ZFYVE27: variants seen among roughly 807,000 people sequenced by gnomAD.
The protein encoded by ZFYVE27 is protrudin.
In ZFYVE27, 36 loss-of-function variants were observed where a neutral mutation model predicts 52.8. That is an observed-to-expected ratio of 0.68 (90% confidence interval 0.52 to 0.90). ZFYVE27 has a LOEUF of 0.90. Among genes scored for constraint, ZFYVE27 ranks in the 40% least tolerant of loss-of-function variants. ZFYVE27 has a pLI of 0.00. For synonymous variants in ZFYVE27, 223 were observed against 215.6 expected, an observed-to-expected ratio of 1.03 and a Z score of -0.30; for missense variants, 450 against 527.2, an observed-to-expected ratio of 0.85 and a Z score of 1.43.
chr10:97,739,885 G>GTTTTTTTGTTTTTTT lies in ZFYVE27; in HGVS notation c.197+1218_197+1219insGTTTTTTTTTTTTTT, dbSNP rs1554886947. Among the ~76,000 whole-genome samples, 92 of 137,276 alleles carry GTTTTTTTGTTTTTTT rather than the reference G, an allele frequency of 6.7e-4. No individual in the cohort carries two copies. The South Asian group carries it at 9.0e-3, about 13-fold the overall frequency. The allele number at this position is 137,276 out of a possible 152,430, so 90.1% of individuals were successfully genotyped here. A position where few individuals can be genotyped will look rare whatever the true frequency, so the allele number is the denominator to read the frequency against. ...TGGATTTGATTGAAGTTAGAAAAGT[G>GTTTTTTTGTTTTTTT]TTTTTTTTTTTTTTTGCAAAGGTAA... On this transcript the variant is annotated intron_variant, in intron 2 of 12. Transcript: ENST00000684270.
chr10:97,743,604 G>A (rs73324638), intron 3 of ZFYVE27, among the ~76,000 whole-genome samples: 2,290 of 152,292 alleles, frequency 0.015, 55 homozygotes, highest in African/African-American at 0.053. Context: ...TGATTCAAGG[G>A]TCATCTGGGG....
chr10:97,757,250 G>C lies in ZFYVE27; in HGVS notation c.1043-15G>C. 1 of 1,614,198 alleles carries C rather than the reference G, an allele frequency of 6.2e-7. No homozygotes were observed. ...TGGGATGGGCGGGGGTTGAGCTGCT[G>C]CCTCTGTTTCTCAGGGAACTGCACG... On this transcript the variant is annotated splice_polypyrimidine_tract_variant and intron_variant, in intron 10 of 12. Coordinates refer to ENST00000684270, the MANE Select transcript of ZFYVE27 (RefSeq NM_001385875.1).
At chr10:97,740,994 A>G (rs2043472154) in intron 2 of ZFYVE27, among the ~76,000 whole-genome samples, 1 of 152,106 alleles carries the variant, frequency 6.6e-6, no homozygotes, top group African/African-American at 2.4e-5. Context: ...CCAAAATGGG[A>G]TTGGCTTTTA....
Position 97,759,430 on chromosome 10 carries a change from TC to T in ZFYVE27, c.*132del. On this transcript the variant is annotated 3_prime_UTR_variant, in exon 13 of 13. Transcript: ENST00000684270. ...CCTGAATGCTAGGTAGGCTTCCCCTTCCTTCCTCACTCTCTCCAGCTGGATT... is the reference window on the plus strand; with the variant it reads ...CCTGAATGCTAGGTAGGCTTCCCCTTCTTCCTCACTCTCTCCAGCTGGATT... 1 of 909,288 alleles carries T rather than the reference TC, an allele frequency of 1.1e-6. No individual in the cohort carries two copies. The allele number at this position is 909,288 out of a possible 1,614,324, so 56.3% of individuals were successfully genotyped here. A position where few individuals can be genotyped will look rare whatever the true frequency, so the allele number is the denominator to read the frequency against.
rs1489133362 is a variant in ZFYVE27 at position 97,759,481 on chromosome 10, A to G, written c.*181A>G. On this transcript the variant is annotated 3_prime_UTR_variant, in exon 13 of 13. Transcript: ENST00000684270. Reference sequence around the variant, plus strand: ...TCTGGAGCTGTTCTCCATCCATGAGAGTGGCTGGCAATGGCTGCTCTCAAT... The same window carrying G: ...TCTGGAGCTGTTCTCCATCCATGAGGGTGGCTGGCAATGGCTGCTCTCAAT... The G allele has an allele frequency of 4.3e-6, 3 of 703,100 alleles. No homozygotes were observed. The highest frequency in any genetic ancestry group is 2.7e-5 in the East Asian group (1 of 36,488). 43.6% of individuals were successfully genotyped at this position (703,100 alleles called of 1,614,324 possible).
chr10:97,740,943 G>A (rs1378495494), intron 2 of ZFYVE27, among the ~76,000 whole-genome samples: 3 of 152,134 alleles, frequency 2.0e-5, no homozygotes, highest in Non-Finnish European at 2.9e-5. Context: ...AAGGGAAGAG[G>A]CTTTAAAATG....
intron 4 of ZFYVE27, among the ~76,000 whole-genome samples, chr10:97,746,621 A>G (rs1251750909): frequency 6.6e-6 from 1 of 152,114 alleles, no homozygotes; most frequent in East Asian, 1.9e-4. Context: ...TATAATTCGT[A>G]ATCGGATTTT....
At chr10:97,742,617 A>C (rs762264320) in intron 2 of ZFYVE27, among the ~76,000 whole-genome samples, 1 of 152,200 alleles carries the variant, frequency 6.6e-6, no homozygotes, top group African/African-American at 2.4e-5. Context: ...AAAAACATGG[A>C]CATAAGAAGA....
rs1564811669 is a variant in ZFYVE27 at position 97,744,733 on chromosome 10, A to G, written c.273A>G (p.Ala91=). Residue 91 remains alanine, a synonymous_variant, in exon 4 of 13, where the codon GCA becomes GCG. Coordinates refer to ENST00000684270, the MANE Select transcript of ZFYVE27 (RefSeq NM_001385875.1). ...NVLFLTLNEG[A]WYSVGALMIS... ...GCAGTGTTTTTGATTCTGCAGGTGCATGGTACTCAGTAGGTGCCCTGATGA... is the reference window on the plus strand; with the variant it reads ...GCAGTGTTTTTGATTCTGCAGGTGCGTGGTACTCAGTAGGTGCCCTGATGA... 6.2e-7 allele frequency: 1 copy of G among 1,613,610 alleles called. No individual in the cohort carries two copies. The highest frequency in any genetic ancestry group is 8.5e-7 in the Non-Finnish European group (1 of 1,180,016).
rs547223774 is a variant in ZFYVE27, at chr10:97,759,357, C to T, written c.*57C>T. ...TCCTTGGGACCAGCAGTAGACCCCC[C>T]ACTCTCCCCACCCCTGGCCCACTGT... On this transcript the variant is annotated 3_prime_UTR_variant, in exon 13 of 13. Coordinates refer to ENST00000684270, the MANE Select transcript of ZFYVE27 (RefSeq NM_001385875.1). 11 of 1,579,454 alleles carry T rather than the reference C, an allele frequency of 7.0e-6. No homozygotes were observed. The highest frequency in any genetic ancestry group is 6.7e-5 in the African/African-American group (5 of 74,198).
chr10:97,756,302 T>C (rs537838878), intron 10 of ZFYVE27, among the ~76,000 whole-genome samples: 1 of 152,328 alleles, frequency 6.6e-6, no homozygotes, highest in South Asian at 2.1e-4. Context: ...CTGAAGCACC[T>C]TGGCCTCAGA....
At chr10:97,751,579 C>A in intron 8 of ZFYVE27, 117 bp downstream of exon 8, 8 of 972,482 alleles carry the variant, frequency 8.2e-6, no homozygotes, top group Non-Finnish European at 1.3e-5. Flanking sequence ...TTGCTGTGAG[C>A]TAGAACTCAC....
rs971504259 is a variant in ZFYVE27 at position 97,751,286 on chromosome 10, C to T, written c.805-105C>T. The T allele has an allele frequency of 1.5e-5, 19 of 1,247,826 alleles. No individual in the cohort carries two copies. The Admixed American group carries it at 2.0e-4, about 13-fold the overall frequency. The allele number at this position is 1,247,826 out of a possible 1,614,324, so 77.3% of individuals were successfully genotyped here. A position where few individuals can be genotyped will look rare whatever the true frequency, so the allele number is the denominator to read the frequency against. Reference sequence around the variant, plus strand: ...CTTCTTTCTTGCCATTGTGCCATTTCGTGGTGTTTTGGGTAGCCTGGATGC... The same window carrying T: ...CTTCTTTCTTGCCATTGTGCCATTTTGTGGTGTTTTGGGTAGCCTGGATGC... On this transcript the variant is annotated intron_variant, in intron 7 of 12. Transcript: ENST00000684270.
At position 97,760,418 on chromosome 10, in the gene ZFYVE27, C is replaced by T. The variant is rs970154146; in HGVS notation, c.*1118C>T. 2 of 152,330 alleles carry T rather than the reference C, an allele frequency of 1.3e-5. No individual in the cohort carries two copies. Among genetic ancestry groups the T allele is most frequent in the Non-Finnish European group, 2.9e-5 (2 of 68,132 alleles). The allele number at this position is 152,330 out of a possible 1,614,324, so 9.4% of individuals were successfully genotyped here. A position where few individuals can be genotyped will look rare whatever the true frequency, so the allele number is the denominator to read the frequency against. ...TTAGCCATGAGCTGGCTCAGGCATCCCTTCCCTTCCCTGGAGCTGCCCTGC... is the reference window on the plus strand; with the variant it reads ...TTAGCCATGAGCTGGCTCAGGCATCTCTTCCCTTCCCTGGAGCTGCCCTGC... On this transcript the variant is annotated 3_prime_UTR_variant, in exon 13 of 13. Coordinates refer to ENST00000684270, the MANE Select transcript of ZFYVE27 (RefSeq NM_001385875.1).
At chr10:97,758,854 T>C (rs2049079681) in intron 12 of ZFYVE27, among the ~76,000 whole-genome samples, 1 of 152,152 alleles carries the variant, frequency 6.6e-6, no homozygotes, top group South Asian at 2.1e-4. Context: ...CCATCTCGGC[T>C]CACTGCAACC....
chr10:97,739,577 A>G (rs892697033), intron 2 of ZFYVE27, among the ~76,000 whole-genome samples: 6 of 152,202 alleles, frequency 3.9e-5, no homozygotes, highest in African/African-American at 1.4e-4. Context: ...AAGTAACACC[A>G]TACCTAACAA....
intron 10 of ZFYVE27, 29 bp downstream of exon 10, chr10:97,753,211 TG>T: frequency 6.3e-7 from 1 of 1,593,474 alleles, no homozygotes; most frequent in Non-Finnish European, 8.5e-7. Flanking sequence ...GCTGGGCTGG[TG>T]GGGGAGTGGG....
chr10:97,754,805 G>A lies in ZFYVE27; in HGVS notation c.1042+1623G>A, dbSNP rs907566316. On this transcript the variant is annotated intron_variant, in intron 10 of 12. Transcript: ENST00000684270. Reference sequence around the variant, plus strand: ...TGCCCGGTAACACTACACACAAGAAGTATTACTCTGGTCCAGCAAATAATT... The same window carrying A: ...TGCCCGGTAACACTACACACAAGAAATATTACTCTGGTCCAGCAAATAATT... The A allele has an allele frequency of 3.1e-6, 4 of 1,289,032 alleles. No individual in the cohort carries two copies. In the South Asian group the frequency reaches 4.9e-5, roughly 16 times the overall value. The allele number at this position is 1,289,032 out of a possible 1,614,324, so 79.8% of individuals were successfully genotyped here. A position where few individuals can be genotyped will look rare whatever the true frequency, so the allele number is the denominator to read the frequency against.
intron 2 of ZFYVE27, among the ~76,000 whole-genome samples, chr10:97,742,592 A>C (rs907332206): frequency 7.1e-4 from 108 of 152,282 alleles, no homozygotes; most frequent in Non-Finnish European, 7.2e-4. Flanking sequence ...CTCTCAGATA[A>C]ACTCTCAAAT....
Sources: allele counts gnomAD v4.1 joint callset (sites outside exome capture counted in the v4.1 genomes callset), GRCh38; gene constraint gnomAD v4.1.1; transcripts MANE v1.5; gene names NCBI Gene and HGNC (gene_info 2026-07-23, HGNC 2026-07-21).